Variants in KCNQ3 observed in about 807,000 individuals in gnomAD.
KCNQ3 encodes potassium voltage-gated channel subfamily KQT member 3.
KCNQ3 carries 30 observed loss-of-function variants against 92.5 expected under a neutral mutation model. The observed-to-expected ratio is 0.32, with a 90% CI of 0.24 to 0.44. The LOEUF (loss-of-function observed/expected upper bound fraction) is 0.44, where lower values mean the gene tolerates loss of function less well. Among genes scored for constraint, KCNQ3 ranks in the 20% least tolerant of loss-of-function variants. The pLI is 1.00. For synonymous variants in KCNQ3, 450 were observed against 468.8 expected, an observed-to-expected ratio of 0.96 and a Z score of 0.52; for missense variants, 913 against 1,140.3, an observed-to-expected ratio of 0.80 and a Z score of 2.87.
intron 1 of KCNQ3, among the ~76,000 whole-genome samples, chr8:132,445,848 C>A (rs1050237414): frequency 2.0e-5 from 3 of 152,160 alleles, no homozygotes; most frequent in African/African-American, 7.2e-5. Context: ...GGTTAGTAAA[C>A]CCTTGGTTTC....
intron 1 of KCNQ3, among the ~76,000 whole-genome samples, chr8:132,276,956 T>C (rs1816353489): frequency 1.3e-5 from 2 of 152,158 alleles, no homozygotes; most frequent in South Asian, 4.1e-4. Context: ...CTCCTTCAAC[T>C]TTCTCATCTT....
chr8:132,217,043 CATT>C lies in KCNQ3; in HGVS notation c.387-30865_387-30863del, dbSNP rs1814054508. 2.0e-5 allele frequency among the ~76,000 whole-genome samples: 3 copies of C among 152,058 alleles called. No homozygotes were observed. The South Asian group carries it at 6.2e-4, about 32-fold the overall frequency. On this transcript the variant is annotated intron_variant, in intron 1 of 14. Transcript: ENST00000388996. Reference sequence around the variant, plus strand: ...ATCAGCACCTAATGATTTTTCATTTCATTATTATCTATGACCTTAAAATTATAT... The same window carrying C: ...ATCAGCACCTAATGATTTTTCATTTCATTATCTATGACCTTAAAATTATAT...
At chr8:132,221,029 A>C (rs1351419791) in intron 1 of KCNQ3, among the ~76,000 whole-genome samples, 2 of 151,946 alleles carry the variant, frequency 1.3e-5, no homozygotes, top group East Asian at 3.9e-4. Context: ...AAGTGTTCTC[A>C]TTGTTCAATT....
chr8:132,322,852 G>A (rs1033195150), intron 1 of KCNQ3, among the ~76,000 whole-genome samples: 8 of 152,152 alleles, frequency 5.3e-5, no homozygotes, highest in South Asian at 2.1e-4. Context: ...AACACAGTTG[G>A]TGATGACCCA....
At chr8:132,199,809 C>G (rs1193247307) in intron 1 of KCNQ3, among the ~76,000 whole-genome samples, 1 of 151,192 alleles carries the variant, frequency 6.6e-6, no homozygotes, top group Non-Finnish European at 1.5e-5. Context: ...ATTCGGGAGG[C>G]TGAGGTAGGA....
Position 132,362,953 on chromosome 8 carries a change from G to C in KCNQ3, c.386+117194C>G, listed in dbSNP as rs374820295. On this transcript the variant is annotated intron_variant, in intron 1 of 14. Transcript: ENST00000388996. ...GAGTTCCTAAGGCTAGAGGGAAGGA[G>C]AGGCAAGAGGTAGTAAGTCCCATCA... Among the ~76,000 whole-genome samples the C allele has an allele frequency of 9.3e-4, 142 of 152,272 alleles. 3 individuals carry two copies. In the South Asian group the frequency reaches 0.029, roughly 31 times the overall value.
At chr8:132,340,738 A>C (rs145178621) in intron 1 of KCNQ3, among the ~76,000 whole-genome samples, 3 of 152,350 alleles carry the variant, frequency 2.0e-5, no homozygotes, top group East Asian at 3.9e-4. Flanking sequence ...ATACCTATGT[A>C]ACAAACCTGG....
At chr8:132,463,851 C>T (rs2721924) in intron 1 of KCNQ3, among the ~76,000 whole-genome samples, 96,352 of 152,112 alleles carry the variant, frequency 0.63, 30,743 homozygotes, top group Middle Eastern at 0.72. Context: ...TTTCCTCTGA[C>T]GCCCAGGCCG....
intron 1 of KCNQ3, among the ~76,000 whole-genome samples, chr8:132,270,813 A>C (rs375863217): frequency 1.1e-3 from 160 of 152,340 alleles, no homozygotes; most frequent in African/African-American, 3.7e-3. Flanking sequence ...TGATTGTAAA[A>C]ATTTAAAAGA....
intron 9 of KCNQ3, among the ~76,000 whole-genome samples, chr8:132,144,531 G>A (rs964480560): frequency 2.6e-5 from 4 of 152,178 alleles, no homozygotes; most frequent in African/African-American, 9.7e-5. Context: ...TAGGGCTCTT[G>A]ACATGTTAAG....
In KCNQ3 at chr8:132,126,000, C is replaced by T. The variant is rs866041778; in HGVS notation, c.*3262G>A. 6 of 152,144 alleles carry T rather than the reference C, an allele frequency of 3.9e-5. No homozygotes were observed. The highest frequency in any genetic ancestry group is 6.5e-5 in the Admixed American group (1 of 15,274). The allele number at this position is 152,144 out of a possible 1,614,324, so 9.4% of individuals were successfully genotyped here. A position where few individuals can be genotyped will look rare whatever the true frequency, so the allele number is the denominator to read the frequency against. On this transcript the variant is annotated 3_prime_UTR_variant, in exon 15 of 15. Coordinates refer to ENST00000388996, the MANE Select transcript of KCNQ3 (RefSeq NM_004519.4). Reference sequence around the variant, plus strand: ...TTCTCAGCTCAATAGGATCATGTTTCGCTTAACATTTGTGAAGTTGATTTA... The same window carrying T: ...TTCTCAGCTCAATAGGATCATGTTTTGCTTAACATTTGTGAAGTTGATTTA...
chr8:132,139,101 T>C (rs1045557515), intron 11 of KCNQ3, among the ~76,000 whole-genome samples: 3 of 152,236 alleles, frequency 2.0e-5, no homozygotes, highest in Non-Finnish European at 4.4e-5. Context: ...CAGAGACCTA[T>C]GGACCAGGAA....
At chr8:132,411,045 G>C (rs1165768430) in intron 1 of KCNQ3, among the ~76,000 whole-genome samples, 2 of 152,198 alleles carry the variant, frequency 1.3e-5, no homozygotes, top group Non-Finnish European at 2.9e-5. Flanking sequence ...TGCCACAGAG[G>C]GGCAGCCAGT....
intron 1 of KCNQ3, among the ~76,000 whole-genome samples, chr8:132,344,151 G>A (rs1317048161): frequency 1.3e-5 from 2 of 152,096 alleles, no homozygotes; most frequent in African/African-American, 2.4e-5. Flanking sequence ...CATAATACAC[G>A]GTGATCTCAT....
intron 8 of KCNQ3, among the ~76,000 whole-genome samples, chr8:132,164,795 A>G (rs561555316): frequency 1.3e-5 from 2 of 151,962 alleles, no homozygotes; most frequent in African/African-American, 4.8e-5. Context: ...TTCCTCTTTC[A>G]CTCTCCACGA....
chr8:132,153,897 A>C (rs1380393517), intron 9 of KCNQ3, among the ~76,000 whole-genome samples: 1 of 152,152 alleles, frequency 6.6e-6, no homozygotes, highest in Non-Finnish European at 1.5e-5. Context: ...GAAAGGAGCC[A>C]GGGACACCTA....
intron 1 of KCNQ3, among the ~76,000 whole-genome samples, chr8:132,285,981 T>C (rs1816668454): frequency 6.6e-6 from 1 of 152,204 alleles, no homozygotes; most frequent in Non-Finnish European, 1.5e-5. Context: ...ACCTTGGTAG[T>C]GCCCATGTGG....
intron 1 of KCNQ3, among the ~76,000 whole-genome samples, chr8:132,368,400 C>T (rs1236732227): frequency 6.6e-6 from 1 of 152,112 alleles, no homozygotes; most frequent in East Asian, 1.9e-4. Context: ...ACTCTGTAAT[C>T]CCAGCACTTG....
intron 1 of KCNQ3, among the ~76,000 whole-genome samples, chr8:132,248,951 C>T (rs939552938): frequency 6.6e-6 from 1 of 152,126 alleles, no homozygotes; most frequent in Non-Finnish European, 1.5e-5. Context: ...AAGAATGAAG[C>T]CGCAGACCCT....
Sources: allele counts gnomAD v4.1 joint callset (sites outside exome capture counted in the v4.1 genomes callset), GRCh38; gene constraint gnomAD v4.1.1; transcripts MANE v1.5; gene names NCBI Gene and HGNC (gene_info 2026-07-23, HGNC 2026-07-21).